Variants in INSC observed in about 807,000 individuals in gnomAD.
INSC encodes the protein protein inscuteable homolog.
Under a neutral mutation model 58.6 loss-of-function variants are expected in INSC, and 67 were observed. That is an observed-to-expected ratio of 1.14 (90% CI 0.94 to 1.40). The LOEUF (loss-of-function observed/expected upper bound fraction) is 1.40, where lower values mean the gene tolerates loss of function less well. INSC is among the 40% of genes most tolerant of loss of function. The pLI is 0.00. For missense variants in INSC, 714 were observed against 692.0 expected (o/e 1.03, Z -0.36); for synonymous variants, 262 against 276.1 (o/e 0.95, Z 0.51).
intron 7 of INSC, among the ~76,000 whole-genome samples, chr11:15,217,735 T>C (rs1476243479): frequency 6.6e-6 from 1 of 152,118 alleles, no homozygotes; most frequent in Non-Finnish European, 1.5e-5. Flanking sequence ...GAGATCCAAC[T>C]TGCAAAAAAC....
intron 8 of INSC, among the ~76,000 whole-genome samples, chr11:15,222,689 T>C (rs1851490582): frequency 6.6e-6 from 1 of 152,218 alleles, no homozygotes; most frequent in South Asian, 2.1e-4. Flanking sequence ...CTTCTAACTC[T>C]AGAATTTGGA....
At chr11:15,158,973 A>G (rs1034011288) in intron 2 of INSC, among the ~76,000 whole-genome samples, 1 of 139,684 alleles carries the variant, frequency 7.2e-6, no homozygotes, top group Admixed American at 8.1e-5. Context: ...GCTTGTTCTG[A>G]GCAGGCCCAT....
Position 15,239,079 on chromosome 11 carries a change from G to C in INSC, c.1393+5G>C. The C allele has an allele frequency of 6.2e-7, 1 of 1,608,592 alleles. No individual in the cohort carries two copies. The highest frequency in any genetic ancestry group is 8.5e-7 in the Non-Finnish European group (1 of 1,177,174). On this transcript the variant is annotated splice_donor_5th_base_variant and intron_variant, in intron 11 of 12. Transcript: ENST00000379556. ...GGGAGGCCGTGCGGCTCAGCTGTGA[G>C]TGGTGCTTTCTGGCTGTGGCTGGAG...
At chr11:15,232,561 G>A (rs1052266543) in intron 9 of INSC, among the ~76,000 whole-genome samples, 2 of 152,172 alleles carry the variant, frequency 1.3e-5, no homozygotes, top group East Asian at 3.8e-4. Flanking sequence ...GCCTGGCTGA[G>A]TTATTTTTAT....
chr11:15,202,067 G>A (rs1850614696), intron 7 of INSC, among the ~76,000 whole-genome samples: 1 of 152,242 alleles, frequency 6.6e-6, no homozygotes, highest in Non-Finnish European at 1.5e-5. Context: ...ATGGAATGTG[G>A]ATAGGGAATC....
At chr11:15,158,441 C>G (rs1848893612) in intron 2 of INSC, among the ~76,000 whole-genome samples, 1 of 152,036 alleles carries the variant, frequency 6.6e-6, no homozygotes, top group Non-Finnish European at 1.5e-5. Flanking sequence ...GGTGTCTCCC[C>G]TATGTGGAAG....
chr11:15,162,663 T>C (rs1849059973), intron 2 of INSC, among the ~76,000 whole-genome samples: 1 of 152,200 alleles, frequency 6.6e-6, no homozygotes, highest in African/African-American at 2.4e-5. Flanking sequence ...TACTAATATA[T>C]CCCAAGTAGC....
Position 15,229,983 on chromosome 11 carries a change from ATAT to A in INSC, c.1170+4156_1170+4158del, listed in dbSNP as rs1851825435. Among the ~76,000 whole-genome samples the A allele has an allele frequency of 1.7e-4, 4 of 23,740 alleles. 1 individual carries two copies. Among genetic ancestry groups the A allele is most frequent in the East Asian group, 5.7e-3 (2 of 352 alleles). 15.6% of individuals were successfully genotyped at this position (23,740 alleles called of 152,430 possible). A position where few individuals can be genotyped will look rare whatever the true frequency, so the allele number is the denominator to read the frequency against. On this transcript the variant is annotated intron_variant, in intron 9 of 12. Transcript: ENST00000379556. Reference sequence around the variant, plus strand: ...ATTTATATATATATATATATATTATATATATATATATATATATATATATATATA... The same window carrying A: ...ATTTATATATATATATATATATTATAATATATATATATATATATATATATA...
At chr11:15,210,984 C>T (rs1330104580) in intron 7 of INSC, among the ~76,000 whole-genome samples, 1 of 152,094 alleles carries the variant, frequency 6.6e-6, no homozygotes, top group Non-Finnish European at 1.5e-5. Context: ...CCACAACCTG[C>T]TGCCGGCAAG....
chr11:15,171,264 A>T (rs1430338964), intron 2 of INSC, among the ~76,000 whole-genome samples: 1 of 152,060 alleles, frequency 6.6e-6, no homozygotes, highest in African/African-American at 2.4e-5. Flanking sequence ...GTTTCCTTTG[A>T]GCCAGGTGGT....
At chr11:15,266,459 G>T in the INSC span, among the ~76,000 whole-genome samples, 1 of 151,992 alleles carries the variant, frequency 6.6e-6, no homozygotes, top group Non-Finnish European at 1.5e-5. Flanking sequence ...ATTTTACAGA[G>T]AATAGACTAG....
chr11:15,213,685 GTC>G (rs143109525), intron 7 of INSC, among the ~76,000 whole-genome samples: 31 of 150,112 alleles, frequency 2.1e-4, no homozygotes, highest in Admixed American at 2.7e-4. Flanking sequence ...CTGCCTATAT[GTC>G]TCTCTCTCTC....
the INSC span, among the ~76,000 whole-genome samples, chr11:15,253,418 C>T: frequency 8.5e-5 from 13 of 152,238 alleles, no homozygotes; most frequent in South Asian, 1.0e-3. Flanking sequence ...TGCCCTCGGA[C>T]GACCCACAGC....
intron 2 of INSC, among the ~76,000 whole-genome samples, chr11:15,163,841 G>C (rs185944119): frequency 4.3e-3 from 655 of 152,256 alleles, no homozygotes; most frequent in Non-Finnish European, 7.1e-3. Context: ...ATTCACCTCG[G>C]CCTCCCAGAG....
At chr11:15,228,951 A>G (rs1210745324) in intron 9 of INSC, among the ~76,000 whole-genome samples, 1 of 152,200 alleles carries the variant, frequency 6.6e-6, no homozygotes, top group Non-Finnish European at 1.5e-5. Context: ...TCAGCCATTG[A>G]GAAGCCTGAC....
chr11:15,140,866 T>G (rs527783471), intron 1 of INSC, among the ~76,000 whole-genome samples: 1 of 152,144 alleles, frequency 6.6e-6, no homozygotes, highest in African/African-American at 2.4e-5. Flanking sequence ...ATTGCAGGTG[T>G]GAGCCACTGC....
At chr11:15,207,026 C>T (rs745472069) in intron 7 of INSC, among the ~76,000 whole-genome samples, 8 of 152,162 alleles carry the variant, frequency 5.3e-5, no homozygotes, top group Admixed American at 1.3e-4. Context: ...AAGGTCAGGG[C>T]ACTGCTGGTT....
intron 9 of INSC, among the ~76,000 whole-genome samples, chr11:15,234,821 C>T (rs1179320654): frequency 3.3e-5 from 5 of 152,088 alleles, no homozygotes; most frequent in Admixed American, 2.0e-4. Context: ...GTTTGGGGTC[C>T]CTGGAATGAG....
chr11:15,156,396 A>G (rs1373906449), intron 2 of INSC, among the ~76,000 whole-genome samples: 4 of 152,196 alleles, frequency 2.6e-5, no homozygotes, highest in Non-Finnish European at 5.9e-5. Flanking sequence ...GAAAACCATC[A>G]AAGAGCACAG....
Sources: gnomAD v4.1 joint callset for allele counts (sites outside exome capture counted in the v4.1 genomes callset) on GRCh38, gnomAD v4.1.1 for gene constraint, MANE v1.5 for transcripts, NCBI Gene and HGNC (gene_info 2026-07-23, HGNC 2026-07-21) for gene names.